Variants in CDADC1 observed in about 807,000 individuals in gnomAD.
CDADC1 encodes cytidine and dCMP deaminase domain containing 1.
Under a neutral mutation model 54.9 loss-of-function variants are expected in CDADC1, and 39 were observed. The ratio of observed to expected loss-of-function variants is 0.71; its 90% CI spans 0.55 to 0.93. The LOEUF is 0.93. CDADC1 is among the 40% of genes least tolerant of loss of function. The probability of loss-of-function intolerance (pLI) is 0.00; values close to 1 mark genes in which losing one functional copy is unlikely to be tolerated. For synonymous variants in CDADC1, 186 were observed against 204.0 expected (o/e 0.91, Z 0.75); for missense variants, 518 against 618.8 (o/e 0.84, Z 1.73).
intron 7 of CDADC1, 68 bp downstream of exon 7, chr13:49,278,587 A>C (rs1196814765): frequency 9.1e-7 from 1 of 1,102,286 alleles, no homozygotes; most frequent in Admixed American, 2.5e-5. Flanking sequence ...TAATTTTCTT[A>C]TAATTGTAAT....
intron 7 of CDADC1, among the ~76,000 whole-genome samples, chr13:49,279,495 G>A (rs1169821742): frequency 1.3e-5 from 2 of 152,220 alleles, no homozygotes; most frequent in Non-Finnish European, 2.9e-5. Context: ...TTCCAGTTAG[G>A]TTGGAATGTG....
chr13:49,274,373 C>T, intron 6 of CDADC1, 33 bp downstream of exon 6: 1 of 1,572,104 alleles, frequency 6.4e-7, no homozygotes, highest in Admixed American at 1.7e-5. Context: ...AAATATTTAA[C>T]CTGGATTTTG....
chr13:49,281,960 C>T (rs1338365486), intron 8 of CDADC1, among the ~76,000 whole-genome samples: 1 of 126,798 alleles, frequency 7.9e-6, no homozygotes, highest in East Asian at 2.8e-4. Flanking sequence ...ATTACAGGCG[C>T]ACGCCACCAT....
At chr13:49,262,902 A>G (rs1221696726) in intron 4 of CDADC1, among the ~76,000 whole-genome samples, 2 of 152,180 alleles carry the variant, frequency 1.3e-5, no homozygotes, top group African/African-American at 4.8e-5. Flanking sequence ...CTCAGAGGGA[A>G]AAAAGAAAAC....
intron 4 of CDADC1, 114 bp downstream of exon 4, chr13:49,259,637 G>C: frequency 1.0e-6 from 1 of 998,908 alleles, no homozygotes; most frequent in Non-Finnish European, 1.5e-6. Context: ...GATCGCCTGA[G>C]CCCAGGAGTT....
At chr13:49,291,447 C>T (rs1356695334) in intron 9 of CDADC1, among the ~76,000 whole-genome samples, 1 of 152,148 alleles carries the variant, frequency 6.6e-6, no homozygotes, top group African/African-American at 2.4e-5. Flanking sequence ...GTTAAAATTA[C>T]AGACGTGAGC....
At chr13:49,257,978 A>G (rs781577379) in intron 3 of CDADC1, among the ~76,000 whole-genome samples, 2 of 152,216 alleles carry the variant, frequency 1.3e-5, no homozygotes, top group African/African-American at 2.4e-5. Context: ...GCCAATATAG[A>G]TAGGTTTTTC....
chr13:49,277,038 CT>C (rs1953160098), intron 6 of CDADC1, among the ~76,000 whole-genome samples: 1 of 152,180 alleles, frequency 6.6e-6, no homozygotes, highest in Non-Finnish European at 1.5e-5. Context: ...GGCTTGAATT[CT>C]GGCTATGTTA....
At chr13:49,270,562 C>T (rs1473503753) in intron 5 of CDADC1, among the ~76,000 whole-genome samples, 1 of 152,168 alleles carries the variant, frequency 6.6e-6, no homozygotes, top group African/African-American at 2.4e-5. Flanking sequence ...TTATATAGGA[C>T]TCCCAGTGGC....
chr13:49,252,215 C>G, intron 2 of CDADC1, among the ~76,000 whole-genome samples: 1 of 152,158 alleles, frequency 6.6e-6, no homozygotes. Flanking sequence ...TGCTCCCATA[C>G]CCATGTGTCC....
Position 49,255,904 on chromosome 13 carries a change from C to A in CDADC1, c.243C>A (p.Asp81Glu). 1 of 1,610,696 alleles carries A rather than the reference C, an allele frequency of 6.2e-7. No individual in the cohort carries two copies. Among genetic ancestry groups the A allele is most frequent in the South Asian group, 1.1e-5 (1 of 90,248 alleles). ...AAGAGAGGACCAGAGTATCTACTGA[C>A]AAAAGACAGGTAAATTTTTATGATT... ...DNEERTRVST[D>E]KRQVKRTGLV... is the part of the protein sequence containing the mutation. Residue 81 changes from aspartate to glutamate, a missense_variant, in exon 3 of 10, where the codon GAC (aspartate) becomes GAA (glutamate). Asp to Glu is a conservative substitution (Grantham distance 45). Transcript: ENST00000251108.
chr13:49,275,689 TTATATATATATATATATATATA>T (rs371106804), intron 6 of CDADC1, among the ~76,000 whole-genome samples: 13 of 43,102 alleles, frequency 3.0e-4, no homozygotes, highest in South Asian at 2.2e-3. Context: ...TTTCTAGGTG[TTATATATATATATATATATATA>T]TATATATATA....
At chr13:49,279,124 A>G (rs1016319669) in intron 7 of CDADC1, among the ~76,000 whole-genome samples, 6 of 152,192 alleles carry the variant, frequency 3.9e-5, no homozygotes, top group Non-Finnish European at 7.3e-5. Context: ...GTTAATTTAC[A>G]TCATTTTCAC....
At chr13:49,278,559 G>T (rs1205409471) in intron 7 of CDADC1, 40 bp downstream of exon 7, 1 of 1,322,790 alleles carries the variant, frequency 7.6e-7, no homozygotes, top group East Asian at 2.5e-5. Context: ...TTAAAATGTA[G>T]CAAGGGTTGG....
rs1483530653 is a variant in CDADC1 at position 49,248,135 on chromosome 13, C to T, written c.82+16C>T. The T allele has an allele frequency of 3.9e-6, 6 of 1,543,934 alleles. No homozygotes were observed. The highest frequency in any genetic ancestry group is 4.4e-6 in the Non-Finnish European group (5 of 1,141,230). ...AGCATGACCGGTGAGTGTCCGGGAC[C>T]CTGCTCCCGCCACCCTACCTTTCGC... On this transcript the variant is annotated intron_variant, in intron 1 of 9. Transcript: ENST00000251108.
At chr13:49,274,183 C>T (rs1318662461) in intron 5 of CDADC1, 108 bp from the exon 6 acceptor site, 2 of 770,572 alleles carry the variant, frequency 2.6e-6, no homozygotes, top group East Asian at 2.7e-5. Context: ...ATTGCTGCTA[C>T]ATTTATGAAG....
At chr13:49,266,621 A>G (rs1952822219) in intron 4 of CDADC1, among the ~76,000 whole-genome samples, 2 of 152,188 alleles carry the variant, frequency 1.3e-5, no homozygotes, top group Non-Finnish European at 2.9e-5. Context: ...CATATTTGAT[A>G]ACTGTTTTAT....
At position 49,267,583 on chromosome 13, in the gene CDADC1, A is replaced by T; in HGVS notation, c.524A>T (p.Lys175Ile). 6.2e-7 allele frequency: 1 copy of T among 1,614,154 alleles called. No homozygotes were observed. Among genetic ancestry groups the T allele is most frequent in the Non-Finnish European group, 8.5e-7 (1 of 1,180,022 alleles). The stretch of plus-strand genomic sequence containing the variant: ...TCTGAAGATGCAAAGTTAGATGCCA[A>T]AGCAGTGGAAAGATTGAAGTCAAAC... ...SSSEDAKLDA[K>I]AVERLKSNSR... is the part of the protein sequence containing the mutation. The change falls in exon 5 of 10, where the codon AAA (lysine) becomes ATA (isoleucine). Residue 175 changes from lysine (K) to isoleucine (I), a missense_variant. Physicochemically the swap from Lys to Ile is moderately radical, Grantham distance 102. Transcript: ENST00000251108.
At position 49,291,883 on chromosome 13, in the gene CDADC1, A is replaced by G; in HGVS notation, c.*126A>G. On this transcript the variant is annotated 3_prime_UTR_variant, in exon 10 of 10. Transcript: ENST00000251108. ...ATTGAAAAGATTTTTTAAGGAAGCT[A>G]ATTTATTTCTAGGATACAAATGGTG... 6.9e-7 allele frequency: 1 copy of G among 1,442,070 alleles called. No individual in the cohort carries two copies. The highest frequency in any genetic ancestry group is 2.5e-5 in the East Asian group (1 of 39,630). The allele number at this position is 1,442,070 out of a possible 1,614,324, so 89.3% of individuals were successfully genotyped here. A position where few individuals can be genotyped will look rare whatever the true frequency, so the allele number is the denominator to read the frequency against.
Sources: allele counts gnomAD v4.1 joint callset (sites outside exome capture counted in the v4.1 genomes callset), GRCh38; gene constraint gnomAD v4.1.1; transcripts MANE v1.5; gene names NCBI Gene and HGNC (gene_info 2026-07-23, HGNC 2026-07-21).